The following SP100 variants were observed in gnomAD, a reference collection of about 807,000 sequenced individuals.
The protein encoded by SP100 is nuclear autoantigen Sp-100.
Under a neutral mutation model 130.0 loss-of-function variants are expected in SP100, and 84 were observed. That is an observed-to-expected ratio of 0.65 (90% CI 0.54 to 0.77). SP100 has a LOEUF of 0.77. SP100 is among the 30% of genes least tolerant of loss of function. The pLI is 0.00. For synonymous variants in SP100, 331 were observed against 351.7 expected (o/e 0.94, Z 0.66); for missense variants, 978 against 1,052.2 (o/e 0.93, Z 0.97).
chr2:230,457,462 G>A (rs946476290), intron 8 of SP100, among the ~76,000 whole-genome samples: 7 of 152,212 alleles, frequency 4.6e-5, no homozygotes, highest in African/African-American at 1.7e-4. Context: ...GTCAGAGTGA[G>A]CTTGGAGGTT....
At position 230,539,303 on chromosome 2, in the gene SP100, T is replaced by C; in HGVS notation, c.2131T>C (p.Trp711Arg). The change falls in exon 25 of 29, where the codon TGG (tryptophan) becomes CGG (arginine). Residue 711 changes from tryptophan (W) to arginine (R), a missense_variant. Physicochemically the swap from Trp to Arg is moderately radical, Grantham distance 101 (BLOSUM62 -3). Coordinates refer to ENST00000340126, the MANE Select transcript of SP100 (RefSeq NM_001080391.2). ...NSNICEVCNK[W>R]GRLFCCDTCP... is the part of the protein sequence containing the mutation. ...AAATATATGTGAGGTGTGCAACAAATGGGGACGGCTGTTCTGCTGCGACAC... is the reference window on the plus strand; with the variant it reads ...AAATATATGTGAGGTGTGCAACAAACGGGGACGGCTGTTCTGCTGCGACAC... 6.2e-7 allele frequency: 1 copy of C among 1,613,954 alleles called. No individual in the cohort carries two copies. Among genetic ancestry groups the C allele is most frequent in the Non-Finnish European group, 8.5e-7 (1 of 1,179,858 alleles).
chr2:230,498,384 TA>T (rs2066815885), intron 18 of SP100, 76 bp from the exon 19 acceptor site: 5 of 805,284 alleles, frequency 6.2e-6, no homozygotes, highest in Non-Finnish European at 7.5e-6. Context: ...TATAGCTAAA[TA>T]AAATTTTTGA....
chr2:230,540,202 G>A (rs1048825012), intron 25 of SP100, among the ~76,000 whole-genome samples: 8 of 152,290 alleles, frequency 5.3e-5, no homozygotes, highest in Non-Finnish European at 1.0e-4. Context: ...CTTTGTAACA[G>A]GCTCCTTGAG....
At chr2:230,428,587 C>T (rs552204697) in intron 2 of SP100, among the ~76,000 whole-genome samples, 15 of 152,242 alleles carry the variant, frequency 9.9e-5, no homozygotes, top group South Asian at 8.3e-4. Flanking sequence ...GGACTACAGG[C>T]GCCCGCCACC....
chr2:230,416,391 T>G, intron 1 of SP100, 63 bp downstream of exon 1: 2 of 1,416,884 alleles, frequency 1.4e-6, no homozygotes, highest in East Asian at 4.6e-5. Context: ...TTCATGCCTT[T>G]AGTTCAGTTT....
intron 15 of SP100, 48 bp downstream of exon 15, chr2:230,470,146 T>G: frequency 1.3e-6 from 2 of 1,567,846 alleles, no homozygotes; most frequent in Non-Finnish European, 1.7e-6. Flanking sequence ...ATGTCAGGAA[T>G]GTGAATTAAA....
intron 2 of SP100, among the ~76,000 whole-genome samples, chr2:230,423,783 T>C (rs1303345761): frequency 6.6e-6 from 1 of 152,180 alleles, no homozygotes; most frequent in Non-Finnish European, 1.5e-5. Context: ...TGTTTGGGAG[T>C]AGCTTTTAAA....
chr2:230,434,448 TACTC>T (rs1559485079), intron 2 of SP100, among the ~76,000 whole-genome samples: 1 of 152,140 alleles, frequency 6.6e-6, no homozygotes, highest in Non-Finnish European at 1.5e-5. Context: ...ATATATCAGA[TACTC>T]AAGAAAAATC....
intron 8 of SP100, 52 bp from the exon 9 acceptor site, chr2:230,461,210 G>A: frequency 6.4e-7 from 1 of 1,569,374 alleles, no homozygotes; most frequent in Non-Finnish European, 8.7e-7. Flanking sequence ...TAATGATAGT[G>A]AAGGAGGTTC....
At chr2:230,461,019 T>TA (rs1473328398) in intron 8 of SP100, among the ~76,000 whole-genome samples, 1 of 151,552 alleles carries the variant, frequency 6.6e-6, no homozygotes, top group Non-Finnish European at 1.5e-5. Flanking sequence ...TAATTTTTAT[T>TA]TTTTTTAAAA....
intron 2 of SP100, among the ~76,000 whole-genome samples, chr2:230,418,101 C>A (rs1386178741): frequency 6.6e-6 from 1 of 151,752 alleles, no homozygotes; most frequent in Non-Finnish European, 1.5e-5. Flanking sequence ...CCTCTAATAT[C>A]TCTGAAAATT....
At chr2:230,464,913 G>A (rs756176992) in intron 11 of SP100, among the ~76,000 whole-genome samples, 1 of 152,074 alleles carries the variant, frequency 6.6e-6, no homozygotes, top group Non-Finnish European at 1.5e-5. Flanking sequence ...ACAACATGGA[G>A]AAACTCCACC....
intron 2 of SP100, among the ~76,000 whole-genome samples, chr2:230,423,457 C>G (rs2062831128): frequency 6.6e-6 from 1 of 151,720 alleles, no homozygotes; most frequent in African/African-American, 2.4e-5. Flanking sequence ...TTTATTGATC[C>G]ACTACTCTTA....
rs116177773 is a variant in SP100, at chr2:230,446,069, G to A, written c.440-750G>A. On this transcript the variant is annotated intron_variant, in intron 4 of 28. Coordinates refer to ENST00000340126, the MANE Select transcript of SP100 (RefSeq NM_001080391.2). Reference sequence around the variant, plus strand: ...TTAAGACAACATTCTCCTGTTTCTAGCCTCATCTTTAAAGATGTTGAGGTT... The same window carrying A: ...TTAAGACAACATTCTCCTGTTTCTAACCTCATCTTTAAAGATGTTGAGGTT... 4.5e-3 allele frequency among the ~76,000 whole-genome samples: 680 copies of A among 152,210 alleles called. 5 individuals carry two copies. The highest frequency in any genetic ancestry group is 0.016 in the African/African-American group (651 of 41,530).
chr2:230,464,295 C>T, intron 11 of SP100, 145 bp downstream of exon 11: 2 of 601,408 alleles, frequency 3.3e-6, no homozygotes, highest in Middle Eastern at 2.7e-4. Flanking sequence ...TACATTTAAC[C>T]TCTCTGGCCC....
intron 24 of SP100, among the ~76,000 whole-genome samples, chr2:230,536,221 T>C (rs896767354): frequency 5.3e-5 from 8 of 152,092 alleles, no homozygotes; most frequent in African/African-American, 1.9e-4. Context: ...AGTTAACTTT[T>C]GATTTTTGGG....
chr2:230,541,901 G>A lies in SP100; in HGVS notation c.2413G>A (p.Gly805Arg). The change falls in exon 28 of 29, where the codon GGG becomes AGG. Residue 805 changes from glycine to arginine, a missense_variant. Coordinates refer to ENST00000340126, the MANE Select transcript of SP100 (RefSeq NM_001080391.2). The stretch of plus-strand genomic sequence containing the variant: ...GTCTTTTACTCAACAGAACAGAGAG[G>A]GGTCTCAGGGCCCACAGAAGCCCAT... Reference protein sequence around the residue: ...FASEPYYNREGSQGPQKPMWL... With the variant: ...FASEPYYNRERSQGPQKPMWL... 6.2e-7 allele frequency: 1 copy of A among 1,613,898 alleles called. No individual in the cohort carries two copies. Among genetic ancestry groups the A allele is most frequent in the Non-Finnish European group, 8.5e-7 (1 of 1,179,910 alleles).
intron 26 of SP100, 90 bp from the exon 27 acceptor site, chr2:230,541,211 G>C: frequency 7.5e-7 from 1 of 1,334,044 alleles, no homozygotes; most frequent in South Asian, 1.2e-5. Flanking sequence ...GAGTCCACAG[G>C]TTTGGGAGTC....
At chr2:230,468,983 C>A in intron 13 of SP100, 60 bp from the exon 14 acceptor site, 1 of 1,050,002 alleles carries the variant, frequency 9.5e-7, no homozygotes, top group Non-Finnish European at 1.5e-6. Flanking sequence ...TGTAAGCAGT[C>A]ATAAGATTTA....
Sources: gnomAD v4.1 joint callset for allele counts (sites outside exome capture counted in the v4.1 genomes callset) on GRCh38, gnomAD v4.1.1 for gene constraint, MANE v1.5 for transcripts, NCBI Gene and HGNC (gene_info 2026-07-23, HGNC 2026-07-21) for gene names.